RFC3: variants seen among roughly 807,000 people sequenced by gnomAD.
The protein encoded by RFC3 is replication factor C subunit 3.
RFC3 carries 41 observed loss-of-function variants against 45.1 expected under a neutral mutation model. That is an observed-to-expected ratio of 0.91 (90% CI 0.71 to 1.18). The LOEUF is 1.18. Among genes scored for constraint, RFC3 ranks in the 50% most tolerant of loss-of-function variants. RFC3 has a pLI of 0.00. For missense variants in RFC3, 423 were observed against 428.1 expected (o/e 0.99, Z 0.10); for synonymous variants, 149 against 144.0 (o/e 1.03, Z -0.25).
At chr13:33,933,147 A>G (rs2082863107) in intron 8 of RFC3, among the ~76,000 whole-genome samples, 1 of 152,156 alleles carries the variant, frequency 6.6e-6, no homozygotes, top group Admixed American at 6.6e-5. Flanking sequence ...TATGGCAAAC[A>G]ATACATTCTT....
intron 8 of RFC3, among the ~76,000 whole-genome samples, chr13:33,924,713 G>GTA (rs1269978498): frequency 1.6e-5 from 2 of 127,136 alleles, no homozygotes; most frequent in African/African-American, 7.7e-5. Context: ...GTATGTGTGT[G>GTA]TGTGTGTGTG....
At chr13:33,890,260 A>C (rs752060149) in intron 8 of RFC3, among the ~76,000 whole-genome samples, 11 of 152,136 alleles carry the variant, frequency 7.2e-5, no homozygotes, top group Non-Finnish European at 1.6e-4. Context: ...TTAATTTATG[A>C]GTTCAGTCAT....
At chr13:33,872,153 G>T (rs974414289) in intron 8 of RFC3, among the ~76,000 whole-genome samples, 5 of 152,162 alleles carry the variant, frequency 3.3e-5, no homozygotes, top group African/African-American at 1.2e-4. Context: ...AGGGCAGAGT[G>T]TGTGGTAATG....
intron 8 of RFC3, among the ~76,000 whole-genome samples, chr13:33,943,662 A>G (rs1352297363): frequency 2.6e-5 from 4 of 152,126 alleles, no homozygotes; most frequent in Admixed American, 1.3e-4. Flanking sequence ...CTGAAATTCC[A>G]TCTTAGGCTT....
At chr13:33,843,396 A>G (rs2082214442) in intron 8 of RFC3, among the ~76,000 whole-genome samples, 1 of 152,184 alleles carries the variant, frequency 6.6e-6, no homozygotes, top group African/African-American at 2.4e-5. Flanking sequence ...TACAAACACT[A>G]TATGGTACCT....
intron 8 of RFC3, among the ~76,000 whole-genome samples, chr13:33,952,343 A>G (rs2082995971): frequency 6.6e-6 from 1 of 152,226 alleles, no homozygotes; most frequent in Non-Finnish European, 1.5e-5. Flanking sequence ...GACTACTGAT[A>G]ATGGAAGCAA....
chr13:33,920,550 T>C (rs2082762690), intron 8 of RFC3, among the ~76,000 whole-genome samples: 1 of 149,532 alleles, frequency 6.7e-6, no homozygotes, highest in African/African-American at 2.5e-5. Flanking sequence ...TGCCTTAGCC[T>C]CCTAAGTAGC....
intron 8 of RFC3, among the ~76,000 whole-genome samples, chr13:33,876,617 A>G (rs1351494101): frequency 3.9e-5 from 6 of 152,240 alleles, no homozygotes; most frequent in African/African-American, 7.2e-5. Context: ...ACATTTGGGA[A>G]CAATGTGACT....
intron 8 of RFC3, among the ~76,000 whole-genome samples, chr13:33,872,757 AAAAAC>A (rs767289697): frequency 1.0e-3 from 156 of 151,014 alleles, no homozygotes; most frequent in Non-Finnish European, 1.8e-3. Flanking sequence ...CAACAAAATG[AAAAAC>A]AAAACAGAAC....
At chr13:33,850,546 G>T (rs145463194) in intron 8 of RFC3, 1 of 151,950 alleles carries the variant, frequency 6.6e-6, no homozygotes, top group Non-Finnish European at 1.5e-5. Context: ...TTATGTTCTT[G>T]TAAAATTAAT....
chr13:33,850,348 T>C (rs2137501728), intron 8 of RFC3: 1 of 152,276 alleles, frequency 6.6e-6, no homozygotes, highest in African/African-American at 2.4e-5. Flanking sequence ...TGCGTATTTC[T>C]TTATAGATGT....
chr13:33,900,385 G>A (rs905842655), intron 8 of RFC3, among the ~76,000 whole-genome samples: 11 of 151,860 alleles, frequency 7.2e-5, no homozygotes, highest in African/African-American at 2.7e-4. Context: ...TGCATTTATA[G>A]CCAACTAGTC....
intron 8 of RFC3, among the ~76,000 whole-genome samples, chr13:33,911,176 G>A (rs1163775006): frequency 1.3e-5 from 2 of 152,086 alleles, no homozygotes; most frequent in East Asian, 3.9e-4. Flanking sequence ...CCATTTTACA[G>A]ATGAGAAGAC....
chr13:33,821,955 G>T (rs796274996), intron 2 of RFC3, among the ~76,000 whole-genome samples: 5 of 152,216 alleles, frequency 3.3e-5, no homozygotes, highest in African/African-American at 1.2e-4. Flanking sequence ...GATTGTATTT[G>T]TTTTGACTGT....
At chr13:33,966,273 G>A in exon 9 of RFC3, 4 of 679,450 alleles carry the variant, frequency 5.9e-6, no homozygotes, top group Non-Finnish European at 1.1e-5. Context: ...GTTATTTCCT[G>A]AGAAAATCCC....
intron 4 of RFC3, among the ~76,000 whole-genome samples, chr13:33,829,225 TGTGGCCAGATGGAATCTTACTTTATG>T (rs1480668137): frequency 2.0e-5 from 3 of 152,232 alleles, no homozygotes; most frequent in South Asian, 2.1e-4. Flanking sequence ...GATCTGTGAT[TGTGGCCAGATGGAATCTTACTTTATG>T]GTGGCCAGAT....
chr13:33,855,636 T>C (rs968041482), intron 8 of RFC3, among the ~76,000 whole-genome samples: 1 of 152,154 alleles, frequency 6.6e-6, no homozygotes, highest in African/African-American at 2.4e-5. Context: ...TTGCCAGCAC[T>C]GGTTATTTTT....
rs151128878 is a variant in RFC3 at position 33,923,288 on chromosome 13, C to A, written c.880-42799C>A. On this transcript the variant is annotated intron_variant, in intron 8 of 8. Coordinates refer to the RFC3 transcript ENST00000434425. ...TAGGAGAAAGGCTCCTAGACAGACA[C>A]CCTGAAGCCTTTCCTTTACTTAGGT... Among the ~76,000 whole-genome samples, 504 of 152,156 alleles carry A rather than the reference C, an allele frequency of 3.3e-3. 12 individuals carry two copies. Among genetic ancestry groups the A allele is most frequent in the Admixed American group, 0.024 (372 of 15,274 alleles).
intron 8 of RFC3, among the ~76,000 whole-genome samples, chr13:33,913,379 A>G (rs1443822004): frequency 6.6e-6 from 1 of 152,140 alleles, no homozygotes. Context: ...AGAGAAAGCC[A>G]GAGGCACTGC....
Sources: gnomAD v4.1 joint callset for allele counts (sites outside exome capture counted in the v4.1 genomes callset) on GRCh38, gnomAD v4.1.1 for gene constraint, MANE v1.5 for transcripts, NCBI Gene and HGNC (gene_info 2026-07-23, HGNC 2026-07-21) for gene names.